The following LRP8 variants were observed in gnomAD, a reference collection of about 807,000 sequenced individuals.
LRP8 encodes low-density lipoprotein receptor-related protein 8.
Under a neutral mutation model 111.6 loss-of-function variants are expected in LRP8, and 46 were observed. That is an observed-to-expected ratio of 0.41 (90% CI 0.33 to 0.53). The LOEUF is 0.53. LRP8 is among the 20% of genes least tolerant of loss of function. The pLI is 0.20. For synonymous variants in LRP8, 464 were observed against 511.2 expected, an observed-to-expected ratio of 0.91 and a Z score of 1.24; for missense variants, 959 against 1,297.4, an observed-to-expected ratio of 0.74 and a Z score of 4.01.
Position 53,327,797 on chromosome 1 carries a change from C to T in LRP8, c.116G>A (p.Gly39Asp), listed in dbSNP as rs1254897526. The change falls in exon 1 of 19, where the codon GGC becomes GAC. Residue 39 changes from glycine (G) to aspartate (D), a missense_variant. By Grantham distance (94) the Gly-to-Asp change is moderately conservative. This residue lies in a region of LRP8 where 97 missense variants were observed against 107.5 expected (regional missense o/e 0.90). Coordinates refer to ENST00000306052, the MANE Select transcript of LRP8 (RefSeq NM_004631.5). ...AGACCGGCTGCACGCACCTTGGCCGCCGAGCAGCGGATCAGCCGCTGCCGC... is the reference window on the plus strand; with the variant it reads ...AGACCGGCTGCACGCACCTTGGCCGTCGAGCAGCGGATCAGCCGCTGCCGC... The part of the protein sequence containing the change: ...LAAAAADPLL[G>D]GQGPAKDCEK... The T allele has an allele frequency of 1.3e-6, 2 of 1,512,396 alleles. No homozygotes were observed. The highest frequency in any genetic ancestry group is 2.6e-5 in the East Asian group (1 of 37,874). The allele number at this position is 1,512,396 out of a possible 1,614,324, so 93.7% of individuals were successfully genotyped here.
chr1:53,288,647 A>C (rs1648037650), intron 3 of LRP8, among the ~76,000 whole-genome samples: 1 of 152,058 alleles, frequency 6.6e-6, no homozygotes. Context: ...TCCGGTCTCC[A>C]TTGTCCCCAC....
At chr1:53,265,079 G>A (rs533694668) in intron 9 of LRP8, among the ~76,000 whole-genome samples, 1 of 152,246 alleles carries the variant, frequency 6.6e-6, no homozygotes, top group Non-Finnish European at 1.5e-5. Flanking sequence ...TTAGGAGGAC[G>A]TTACAGCATC....
At position 53,289,633 on chromosome 1, in the gene LRP8, C is replaced by T. The variant is rs1244742909; in HGVS notation, c.301G>A (p.Glu101Lys). The T allele has an allele frequency of 5.6e-6, 9 of 1,613,324 alleles. No individual in the cohort carries two copies. The highest frequency in any genetic ancestry group is 4.0e-5 in the African/African-American group (3 of 74,912). The change falls in exon 3 of 19, where the codon GAA becomes AAA. Residue 101 changes from glutamate (E) to lysine (K), a missense_variant. Around this residue, in one of 3 missense-constraint regions of LRP8, gnomAD observed 43 missense variants for 92.4 expected, o/e 0.47. Coordinates refer to ENST00000306052, the MANE Select transcript of LRP8 (RefSeq NM_004631.5). ...TCCTCGCCGTCACACTTCCACCGTT[C>T]GTGGATGCAGTGGCCGTTGTCACAG... ...FTCDNGHCIH[E>K]RWKCDGEEEC...
At chr1:53,253,657 G>T (rs1645972917) in intron 16 of LRP8, among the ~76,000 whole-genome samples, 1 of 152,178 alleles carries the variant, frequency 6.6e-6, no homozygotes, top group Admixed American at 6.5e-5. Context: ...GAAAGGGGTA[G>T]ATTTATCTTT....
At chr1:53,316,844 A>G (rs1201705625) in intron 2 of LRP8, among the ~76,000 whole-genome samples, 1 of 152,128 alleles carries the variant, frequency 6.6e-6, no homozygotes, top group Non-Finnish European at 1.5e-5. Context: ...TGGGGAGGAG[A>G]GGCTGCTGTG....
intron 2 of LRP8, among the ~76,000 whole-genome samples, chr1:53,291,038 C>A (rs1325433834): frequency 6.6e-6 from 1 of 152,204 alleles, no homozygotes; most frequent in Non-Finnish European, 1.5e-5. Flanking sequence ...GAAGAGAGCA[C>A]TGGGCAGGGA....
intron 2 of LRP8, among the ~76,000 whole-genome samples, chr1:53,326,569 C>A (rs114410240): frequency 0.013 from 1,936 of 152,340 alleles, 22 homozygotes; most frequent in Non-Finnish European, 0.022. Context: ...CAGGGACTGC[C>A]GCGTCCCCGC....
rs1210628573 is a variant in LRP8, at chr1:53,244,113, C to G, written c.*2905G>C. 6.6e-6 allele frequency: 1 copy of G among 152,214 alleles called. No individual in the cohort carries two copies. Among genetic ancestry groups the G allele is most frequent in the Non-Finnish European group, 1.5e-5 (1 of 68,026 alleles). The allele number at this position is 152,214 out of a possible 1,614,324, so 9.4% of individuals were successfully genotyped here. On this transcript the variant is annotated 3_prime_UTR_variant, in exon 19 of 19. Transcript: ENST00000306052. ...TACTTCAATCTGTTTTATAAATAATCTGTGTATCAAGAGTAAATAAGTACA... is the reference window on the plus strand; with the variant it reads ...TACTTCAATCTGTTTTATAAATAATGTGTGTATCAAGAGTAAATAAGTACA...
chr1:53,264,438 C>T (rs753869128), intron 9 of LRP8, 42 bp from the exon 10 acceptor site: 3 of 1,521,796 alleles, frequency 2.0e-6, no homozygotes, highest in East Asian at 4.6e-5. Flanking sequence ...GATGTTCCAC[C>T]CATGGGCCCA....
At position 53,293,139 on chromosome 1, in the gene LRP8, C is replaced by T. The variant is rs1478542162; in HGVS notation, c.245-3450G>A. 6.6e-6 allele frequency among the ~76,000 whole-genome samples: 1 copy of T among 152,202 alleles called. No individual in the cohort carries two copies. On this transcript the variant is annotated intron_variant, in intron 2 of 18. Coordinates refer to ENST00000306052, the MANE Select transcript of LRP8 (RefSeq NM_004631.5). The surrounding 1 kb of genome is among the most constrained non-coding windows in gnomAD (Gnocchi z 4.9). ...CTGGGCACAGGACAACCAGATACCC[C>T]CCAAAAACCCTGCCCTCCCTGGGAT...
chr1:53,258,231 C>T (rs1646176474), intron 14 of LRP8, 88 bp downstream of exon 14: 1 of 1,359,650 alleles, frequency 7.4e-7, no homozygotes, highest in South Asian at 1.4e-5. Context: ...AAACCAGCAG[C>T]ATACTGTGTC....
chr1:53,307,639 G>A (rs562787382), intron 2 of LRP8, among the ~76,000 whole-genome samples: 2 of 152,282 alleles, frequency 1.3e-5, no homozygotes, highest in Admixed American at 6.5e-5. Flanking sequence ...CACACAGACC[G>A]CATACCCACA....
chr1:53,297,528 C>T (rs1366751716), intron 2 of LRP8, among the ~76,000 whole-genome samples: 2 of 152,162 alleles, frequency 1.3e-5, no homozygotes, highest in Non-Finnish European at 2.9e-5. Flanking sequence ...CATCAGCAGG[C>T]GACATCTAAA....
chr1:53,258,543 G>A, intron 13 of LRP8, 72 bp from the exon 14 acceptor site: 1 of 1,439,352 alleles, frequency 6.9e-7, no homozygotes. Flanking sequence ...TGAGGATGAG[G>A]CTTCTCCCAC....
chr1:53,246,897 C>G lies in LRP8; in HGVS notation c.*121G>C, dbSNP rs1214679545. 6.3e-6 allele frequency: 5 copies of G among 792,674 alleles called. No individual in the cohort carries two copies. The highest frequency in any genetic ancestry group is 7.2e-5 in the Admixed American group (2 of 27,698). 49.1% of individuals were successfully genotyped at this position (792,674 alleles called of 1,614,324 possible). A position where few individuals can be genotyped will look rare whatever the true frequency, so the allele number is the denominator to read the frequency against. On this transcript the variant is annotated 3_prime_UTR_variant, in exon 19 of 19. Coordinates refer to ENST00000306052, the MANE Select transcript of LRP8 (RefSeq NM_004631.5). ...CGCAACATAAATTTAAAAAAAAAAT[C>G]ACACACACACATACACTCACACAGA...
At chr1:53,310,403 T>A (rs1220909042) in intron 2 of LRP8, among the ~76,000 whole-genome samples, 1 of 152,154 alleles carries the variant, frequency 6.6e-6, no homozygotes, top group South Asian at 2.1e-4. Flanking sequence ...CCGTGTGACC[T>A]GGAGGAAGTC....
chr1:53,297,653 G>A lies in LRP8; in HGVS notation c.245-7964C>T, dbSNP rs1426234768. ...CCAAAGGATTCACCCCATTCGGAAT[G>A]AAGAGGCTGCAGCGGAAGGAGCACT... is the stretch of plus-strand genomic sequence containing the variant. On this transcript the variant is annotated intron_variant, in intron 2 of 18. Coordinates refer to ENST00000306052, the MANE Select transcript of LRP8 (RefSeq NM_004631.5). 2.6e-5 allele frequency among the ~76,000 whole-genome samples: 4 copies of A among 152,330 alleles called. No homozygotes were observed. In the East Asian group the frequency reaches 5.8e-4, roughly 22 times the overall value.
intron 15 of LRP8, among the ~76,000 whole-genome samples, chr1:53,256,621 C>T (rs1406911788): frequency 6.6e-6 from 1 of 152,230 alleles, no homozygotes; most frequent in Non-Finnish European, 1.5e-5. Context: ...AATGAACTCC[C>T]TCTGGCAGGT....
At chr1:53,300,027 T>C (rs1217823071) in intron 2 of LRP8, among the ~76,000 whole-genome samples, 1 of 152,244 alleles carries the variant, frequency 6.6e-6, no homozygotes, top group Admixed American at 6.5e-5. Flanking sequence ...CAGTAGTCAC[T>C]GTCCTACCAA....
Sources: allele counts gnomAD v4.1 joint callset (sites outside exome capture counted in the v4.1 genomes callset), GRCh38; gene constraint gnomAD v4.1.1; regional missense constraint gnomAD v4.1.1; non-coding constraint Gnocchi (gnomAD v3.1); transcripts MANE v1.5; gene names NCBI Gene and HGNC (gene_info 2026-07-23, HGNC 2026-07-21).